NELL1: variants seen among roughly 807,000 people sequenced by gnomAD.
NELL1 encodes neural EGFL like 1.
NELL1 carries 76 observed loss-of-function variants against 107.4 expected under a neutral mutation model. The ratio of observed to expected loss-of-function variants is 0.71; its 90% CI spans 0.59 to 0.86. The LOEUF (loss-of-function observed/expected upper bound fraction) is 0.86. Among genes scored for constraint, NELL1 ranks in the 40% least tolerant of loss-of-function variants. The probability of loss-of-function intolerance (pLI) is 0.00; values close to 1 mark genes in which losing one functional copy is unlikely to be tolerated. For missense variants in NELL1, 1,024 were observed against 1,005.5 expected (o/e 1.02, Z -0.25); for synonymous variants, 353 against 341.2 (o/e 1.03, Z -0.38).
intron 2 of NELL1, among the ~76,000 whole-genome samples, chr11:20,690,286 A>G (rs1323038078): frequency 6.6e-6 from 1 of 151,996 alleles, no homozygotes; most frequent in Non-Finnish European, 1.5e-5. Flanking sequence ...CTTTAGTTTA[A>G]TTAGATCCCA....
Position 21,150,123 on chromosome 11 carries a change from T to C in NELL1, c.1426+36409T>C, listed in dbSNP as rs115157304. Reference sequence around the variant, plus strand: ...AGTGGGAATGAGTTTCACTGGAGCATAGTGAGGCCTAATGGTGGATGCTTA... The same window carrying C: ...AGTGGGAATGAGTTTCACTGGAGCACAGTGAGGCCTAATGGTGGATGCTTA... On this transcript the variant is annotated intron_variant, in intron 13 of 19. Coordinates refer to ENST00000357134, the MANE Select transcript of NELL1 (RefSeq NM_006157.5). 3.6e-3 allele frequency among the ~76,000 whole-genome samples: 550 copies of C among 152,132 alleles called. 1 individual carries two copies. The highest frequency in any genetic ancestry group is 0.012 in the African/African-American group (508 of 41,520).
At chr11:20,766,241 T>C (rs1000148933) in intron 2 of NELL1, among the ~76,000 whole-genome samples, 2 of 152,208 alleles carry the variant, frequency 1.3e-5, no homozygotes, top group South Asian at 4.1e-4. Flanking sequence ...CAGCACTTTA[T>C]AGCAGTGAGA....
At chr11:21,364,158 C>A (rs1469573636) in intron 14 of NELL1, among the ~76,000 whole-genome samples, 1 of 151,872 alleles carries the variant, frequency 6.6e-6, no homozygotes, top group Non-Finnish European at 1.5e-5. Flanking sequence ...CGCCTGTAAT[C>A]CCAGCACTTT....
chr11:21,387,349 G>T (rs942783977), intron 15 of NELL1, among the ~76,000 whole-genome samples: 13 of 151,808 alleles, frequency 8.6e-5, no homozygotes, highest in Admixed American at 5.9e-4. Flanking sequence ...CTTGTGTATT[G>T]TCTCTTCCTC....
chr11:21,559,607 T>C (rs975884769), intron 16 of NELL1, among the ~76,000 whole-genome samples: 1 of 152,154 alleles, frequency 6.6e-6, no homozygotes, highest in African/African-American at 2.4e-5. Context: ...ATAGTAAGAC[T>C]TTGACTATAA....
intron 2 of NELL1, among the ~76,000 whole-genome samples, chr11:20,734,205 G>T (rs758086393): frequency 6.6e-6 from 1 of 152,112 alleles, no homozygotes; most frequent in Non-Finnish European, 1.5e-5. Context: ...GGTGAGAATT[G>T]GGAGTAGCAG....
At chr11:20,676,731 G>T (rs1376746628) in intron 1 of NELL1, among the ~76,000 whole-genome samples, 1 of 152,206 alleles carries the variant, frequency 6.6e-6, no homozygotes, top group African/African-American at 2.4e-5. Flanking sequence ...GACAGGTGAG[G>T]TGGTGATAGC....
chr11:21,024,224 C>T (rs1430062520), intron 12 of NELL1, among the ~76,000 whole-genome samples: 1 of 152,120 alleles, frequency 6.6e-6, no homozygotes, highest in Non-Finnish European at 1.5e-5. Flanking sequence ...TCACAAATAT[C>T]TGAACTACCA....
intron 13 of NELL1, among the ~76,000 whole-genome samples, chr11:21,148,925 G>A (rs1388184105): frequency 6.6e-6 from 1 of 152,042 alleles, no homozygotes; most frequent in African/African-American, 2.4e-5. Context: ...AAAACTAAGG[G>A]CTCATTGATA....
chr11:21,056,294 T>C (rs986566765), intron 12 of NELL1, among the ~76,000 whole-genome samples: 2 of 152,182 alleles, frequency 1.3e-5, no homozygotes, highest in Admixed American at 6.6e-5. Flanking sequence ...CATGGCATTA[T>C]GATATTGGCA....
intron 5 of NELL1, among the ~76,000 whole-genome samples, chr11:20,888,049 T>C (rs571182892): frequency 6.6e-6 from 1 of 152,034 alleles, no homozygotes; most frequent in Non-Finnish European, 1.5e-5. Flanking sequence ...CTAGAGATAA[T>C]AAATAGGCCC....
chr11:21,387,821 C>G, intron 15 of NELL1, among the ~76,000 whole-genome samples: 1 of 151,784 alleles, frequency 6.6e-6, no homozygotes, highest in Non-Finnish European at 1.5e-5. Flanking sequence ...ATACACTCTT[C>G]CTTGTAAGGG....
intron 3 of NELL1, among the ~76,000 whole-genome samples, chr11:20,784,216 G>T (rs534132447): frequency 6.6e-6 from 1 of 152,262 alleles, no homozygotes; most frequent in Admixed American, 6.5e-5. Context: ...GATCTTCATC[G>T]CAAAGATCAC....
In NELL1 at chr11:21,052,307, AAG is replaced by A. The variant is rs1457439010; in HGVS notation, c.1301-61279_1301-61278del. On this transcript the variant is annotated intron_variant, in intron 12 of 19. Coordinates refer to ENST00000357134, the MANE Select transcript of NELL1 (RefSeq NM_006157.5). ...GCTTTGGGTGAAGTTGGGACCACAG[AAG>A]AGTCTGAACTGAACAGTCACATGAT... 3.3e-5 allele frequency among the ~76,000 whole-genome samples: 5 copies of A among 152,110 alleles called. 1 individual carries two copies. The highest frequency in any genetic ancestry group is 3.3e-4 in the Admixed American group (5 of 15,272).
intron 15 of NELL1, among the ~76,000 whole-genome samples, chr11:21,510,848 T>C (rs758565581): frequency 2.6e-5 from 4 of 152,242 alleles, no homozygotes; most frequent in Non-Finnish European, 4.4e-5. Context: ...ACCTTGGCTA[T>C]TCTTTATCTC....
chr11:20,809,008 G>A (rs560003478), intron 3 of NELL1, among the ~76,000 whole-genome samples: 2 of 152,270 alleles, frequency 1.3e-5, no homozygotes, highest in Middle Eastern at 3.4e-3. Flanking sequence ...TTGTGTGTGT[G>A]TAGATAGCTA....
At chr11:20,884,035 G>A (rs1849458668) in intron 4 of NELL1, among the ~76,000 whole-genome samples, 1 of 152,174 alleles carries the variant, frequency 6.6e-6, no homozygotes, top group Non-Finnish European at 1.5e-5. Context: ...ATTATGTTTT[G>A]AGTGTCCACT....
chr11:20,881,211 C>A (rs567878849), intron 4 of NELL1, among the ~76,000 whole-genome samples: 267 of 152,332 alleles, frequency 1.8e-3, no homozygotes, highest in Non-Finnish European at 2.7e-3. Flanking sequence ...AAATAAAGAA[C>A]CTGTCTGTGA....
chr11:21,132,636 G>A (rs192991138), intron 13 of NELL1, among the ~76,000 whole-genome samples: 3 of 152,258 alleles, frequency 2.0e-5, no homozygotes, highest in Non-Finnish European at 4.4e-5. Context: ...AGGGGAATAC[G>A]TTGGTGCCCA....
Sources: gnomAD v4.1 joint callset for allele counts (sites outside exome capture counted in the v4.1 genomes callset) on GRCh38, gnomAD v4.1.1 for gene constraint, MANE v1.5 for transcripts, NCBI Gene and HGNC (gene_info 2026-07-23, HGNC 2026-07-21) for gene names.